The following PLCD3 variants were observed in gnomAD, a reference collection of about 807,000 sequenced individuals.
PLCD3 encodes phospholipase C delta 3, also known as 1-phosphatidylinositol 4,5-bisphosphate phosphodiesterase delta-3.
In PLCD3, 62 loss-of-function variants were observed where a neutral mutation model predicts 82.8. The ratio of observed to expected loss-of-function variants is 0.75; its 90% CI spans 0.61 to 0.93. The LOEUF (loss-of-function observed/expected upper bound fraction) is 0.93, where lower values mean the gene tolerates loss of function less well. Ranked by LOEUF, PLCD3 falls within the 40% of genes least tolerant of loss-of-function variation. The pLI is 0.00. For missense variants in PLCD3, 1,023 were observed against 1,103.4 expected, an observed-to-expected ratio of 0.93 and a Z score of 1.03; for synonymous variants, 478 against 471.8, an observed-to-expected ratio of 1.01 and a Z score of -0.17.
At position 45,111,921 on chromosome 17, in the gene PLCD3, C is replaced by T. The variant is rs1217313392; in HGVS notation, c.*695G>A. 3 of 152,244 alleles carry T rather than the reference C, an allele frequency of 2.0e-5. No individual in the cohort carries two copies. Among genetic ancestry groups the T allele is most frequent in the African/African-American group, 7.3e-5 (3 of 41,352 alleles). The allele number at this position is 152,244 out of a possible 1,614,324, so 9.4% of individuals were successfully genotyped here. The stretch of plus-strand genomic sequence containing the variant: ...GGTTTGGTGGCCTGTGCCTGTAGTC[C>T]CAGCTACTCAGGAGGCTGAGATGGG... On this transcript the variant is annotated 3_prime_UTR_variant, in exon 15 of 15. Transcript: ENST00000619929.
intron 9 of PLCD3, 28 bp downstream of exon 9, chr17:45,115,316 T>TCCC: frequency 1.4e-6 from 2 of 1,474,956 alleles, no homozygotes; most frequent in South Asian, 2.5e-5. Context: ...TTCCCCCCCT[T>TCCC]CCCCACCCCA....
At chr17:45,114,761 A>C (rs1404908045) in intron 10 of PLCD3, among the ~76,000 whole-genome samples, 1 of 151,914 alleles carries the variant, frequency 6.6e-6, no homozygotes, top group Non-Finnish European at 1.5e-5. Flanking sequence ...CCTCCAGGTG[A>C]TGTGTCCTCT....
rs370954786 is a variant in PLCD3, at chr17:45,116,789, G to T, written c.1261-5C>A. ...GATGACAGGGTAAGGGGACAGCTGT[G>T]GGGGGAAGGGCAGCAGCTCAGAGCC... On this transcript the variant is annotated splice_polypyrimidine_tract_variant and splice_region_variant and intron_variant, in intron 7 of 14. Transcript: ENST00000619929. 8 of 1,584,212 alleles carry T rather than the reference G, an allele frequency of 5.0e-6. No individual in the cohort carries two copies. Among genetic ancestry groups the T allele is most frequent in the East Asian group, 2.3e-5 (1 of 43,312 alleles).
At position 45,120,594 on chromosome 17, in the gene PLCD3, G is replaced by A. The variant is rs1056694759; in HGVS notation, c.555-140C>T. 16 of 1,116,044 alleles carry A rather than the reference G, an allele frequency of 1.4e-5. No individual in the cohort carries two copies. The African/African-American group carries it at 2.0e-4, about 14-fold the overall frequency. 69.1% of individuals were successfully genotyped at this position (1,116,044 alleles called of 1,614,324 possible). ...TTTCCCCTTGGCCTGTGCACTCCCCGAGCACGGTAGCAGTGTCTCCTCCGC... is the reference window on the plus strand; with the variant it reads ...TTTCCCCTTGGCCTGTGCACTCCCCAAGCACGGTAGCAGTGTCTCCTCCGC... On this transcript the variant is annotated intron_variant, in intron 3 of 14. Transcript: ENST00000619929.
In PLCD3 at chr17:45,114,324, ACG is replaced by A. The variant is rs1371153756; in HGVS notation, c.1752_1753del (p.Tyr586ProfsTer61). On this transcript the variant is annotated frameshift_variant, in exon 11 of 15. Transcript: ENST00000619929. LOFTEE classifies it high-confidence loss of function. Reference sequence around the variant, plus strand: ...GTTCATCCGCAGCCCCAGCGGGTACACGCGGGTCAGCTGGCGGGCATTGTGCC... The same window carrying A: ...GTTCATCCGCAGCCCCAGCGGGTACACGGGTCAGCTGGCGGGCATTGTGCC... 6.5e-7 allele frequency: 1 copy of A among 1,549,740 alleles called. No homozygotes were observed. The highest frequency in any genetic ancestry group is 2.0e-5 in the Admixed American group (1 of 50,648).
rs1440766703 is a variant in PLCD3, at chr17:45,118,078, C to A, written c.1176G>T (p.Glu392Asp). The change falls in exon 7 of 15, where the codon GAG becomes GAT. Residue 392 changes from glutamate (E) to aspartate (D), a missense_variant. Glu to Asp is a conservative substitution (Grantham distance 45). This residue lies in a region of PLCD3 where 553 missense variants were observed against 655.7 expected (regional missense o/e 0.84). Transcript: ENST00000619929. This position sits in a 1 kb window ranked among gnomAD's most constrained non-coding sequence, Gnocchi z 4.1. ...ELDCWEGPGG[E>D]PVIYHGHTLT... ...GGGTATGGCCATGATAGATGACGGG[C>A]TCCCCTCCTGGCCCCTCCCAGCAGT... 1.2e-6 allele frequency: 2 copies of A among 1,613,732 alleles called. No individual in the cohort carries two copies. Among genetic ancestry groups the A allele is most frequent in the East Asian group, 4.5e-5 (2 of 44,884 alleles).
At chr17:45,116,572 C>T (rs375938882) in intron 8 of PLCD3, 60 bp downstream of exon 8, 37 of 1,489,184 alleles carry the variant, frequency 2.5e-5, no homozygotes, top group African/African-American at 1.0e-4. Flanking sequence ...ACGAGCAGTG[C>T]GGGGAGGCGG....
intron 1 of PLCD3, among the ~76,000 whole-genome samples, chr17:45,122,066 C>T (rs934838363): frequency 3.9e-5 from 6 of 152,212 alleles, no homozygotes; most frequent in African/African-American, 1.2e-4. Flanking sequence ...GATGTGAAAC[C>T]GTAGCCATCA....
Position 45,112,654 on chromosome 17 carries a change from C to T in PLCD3, c.2332G>A (p.Ala778Thr). ...ATGCGGATTTGGATGAAGAGCGTGGCTGGTGACAGTGAGGCCCCGTCCTTG... is the reference window on the plus strand; with the variant it reads ...ATGCGGATTTGGATGAAGAGCGTGGTTGGTGACAGTGAGGCCCCGTCCTTG... ...LSKDGASLSP[A>T]TLFIQIRIQR... is the part of the protein sequence containing the mutation. The change falls in exon 15 of 15, where the codon GCC becomes ACC. Residue 778 changes from alanine to threonine, a missense_variant. By Grantham distance (58) the Ala-to-Thr change is moderately conservative (BLOSUM62 0). Around this residue, in one of 3 missense-constraint regions of PLCD3, gnomAD observed 553 missense variants for 655.7 expected, o/e 0.84. Coordinates refer to ENST00000619929, the MANE Select transcript of PLCD3 (RefSeq NM_133373.5). 1.2e-6 allele frequency: 2 copies of T among 1,607,364 alleles called. No individual in the cohort carries two copies. The highest frequency in any genetic ancestry group is 1.7e-6 in the Non-Finnish European group (2 of 1,177,280).
rs549076671 is a variant in PLCD3 at position 45,114,372 on chromosome 17, G to A, written c.1712-6C>T. On this transcript the variant is annotated splice_polypyrimidine_tract_variant and splice_region_variant and intron_variant, in intron 10 of 14. Transcript: ENST00000619929. ...GTGCCTGACAAAGCTGTTCCCTGGG[G>A]CAGAGTTGGGGTGAGACCGTGACAG... is the stretch of plus-strand genomic sequence containing the variant. 5.2e-6 allele frequency: 8 copies of A among 1,547,502 alleles called. No individual in the cohort carries two copies. The highest frequency in any genetic ancestry group is 1.2e-5 in the South Asian group (1 of 83,632).
chr17:45,120,359 T>C lies in PLCD3; in HGVS notation c.650A>G (p.Asp217Gly). The stretch of plus-strand genomic sequence containing the variant: ...GAGGTAGGCGTACATGTCGTTCATG[T>C]CCACGTTGACCATTCTCAGCAGGCT... ...IKSLLRMVNV[D>G]MNDMYAYLLF... is the part of the protein sequence containing the mutation. The change falls in exon 4 of 15, where the codon GAC becomes GGC. Residue 217 changes from aspartate to glycine, a missense_variant. Physicochemically the swap from Asp to Gly is moderately conservative, Grantham distance 94 (BLOSUM62 -1). Coordinates refer to ENST00000619929, the MANE Select transcript of PLCD3 (RefSeq NM_133373.5). 6.2e-7 allele frequency: 1 copy of C among 1,614,008 alleles called. No homozygotes were observed.
At position 45,122,481 on chromosome 17, in the gene PLCD3, G is replaced by A. The variant is rs1289870500; in HGVS notation, c.164-1109C>T. 3.9e-5 allele frequency among the ~76,000 whole-genome samples: 6 copies of A among 152,264 alleles called. No homozygotes were observed. In the East Asian group the frequency reaches 5.8e-4, roughly 15 times the overall value. On this transcript the variant is annotated intron_variant, in intron 1 of 14. Transcript: ENST00000619929. ...GAAGCCACTTTGGGCTCTGGAGGTC[G>A]GGGTCCAGCGCCTCTGACCTTTGGC...
intron 1 of PLCD3, 86 bp from the exon 2 acceptor site, chr17:45,121,458 C>T: frequency 7.2e-7 from 1 of 1,392,130 alleles, no homozygotes; most frequent in Non-Finnish European, 9.4e-7. Flanking sequence ...GCTGCCCCAT[C>T]CTCCAGCCTC....
Position 45,132,153 on chromosome 17 carries a change from G to C in PLCD3, c.163+95C>G. The C allele has an allele frequency of 8.4e-7, 1 of 1,187,576 alleles. No individual in the cohort carries two copies. The highest frequency in any genetic ancestry group is 1.1e-6 in the Non-Finnish European group (1 of 948,502). 73.6% of individuals were successfully genotyped at this position (1,187,576 alleles called of 1,614,324 possible). On this transcript the variant is annotated intron_variant, in intron 1 of 14. Coordinates refer to ENST00000619929, the MANE Select transcript of PLCD3 (RefSeq NM_133373.5). The surrounding 1 kb of genome is among the most constrained non-coding windows in gnomAD (Gnocchi z 4.6). ...AGCCATAGCCTCCCAGCCCCGTGCA[G>C]CCTGGGGAATCCACGAACTGCTCCC...
intron 9 of PLCD3, 34 bp from the exon 10 acceptor site, chr17:45,115,278 C>T: frequency 6.5e-7 from 1 of 1,531,774 alleles, no homozygotes; most frequent in Non-Finnish European, 8.8e-7. Flanking sequence ...TTCAGCTGGC[C>T]CCCGCTTCCC....
chr17:45,121,174 C>T lies in PLCD3; in HGVS notation c.325+37G>A, dbSNP rs748897321. On this transcript the variant is annotated intron_variant, in intron 2 of 14. Coordinates refer to ENST00000619929, the MANE Select transcript of PLCD3 (RefSeq NM_133373.5). The stretch of plus-strand genomic sequence containing the variant: ...CAGGGCGGAGGACCGGGCCTGTCCC[C>T]ACCTCCCTGTCCGCCCGGCGCTCCC... 9.1e-6 allele frequency: 14 copies of T among 1,540,884 alleles called. No individual in the cohort carries two copies. In the Admixed American group the frequency reaches 2.3e-4, roughly 25 times the overall value.
intron 1 of PLCD3, among the ~76,000 whole-genome samples, chr17:45,126,700 G>C (rs890627504): frequency 8.6e-5 from 13 of 151,944 alleles, no homozygotes; most frequent in Middle Eastern, 6.8e-3. Flanking sequence ...TCTGTAGCCA[G>C]GCTGGGGTGC....
Position 45,132,500 on chromosome 17 carries a change from G to T in PLCD3, c.-90C>A. On this transcript the variant is annotated 5_prime_UTR_variant, in exon 1 of 15. Transcript: ENST00000619929. The surrounding 1 kb of genome is among the most constrained non-coding windows in gnomAD (Gnocchi z 4.6). ...CTCTGGCCCGGCCCCGGCTCTGAGC[G>T]AGGCGGCGAGCGAAGAAACTTAGCG... 18 of 844,442 alleles carry T rather than the reference G, an allele frequency of 2.1e-5. No individual in the cohort carries two copies. The highest frequency in any genetic ancestry group is 2.6e-5 in the Non-Finnish European group (17 of 661,314). 52.3% of individuals were successfully genotyped at this position (844,442 alleles called of 1,614,324 possible).
At position 45,113,526 on chromosome 17, in the gene PLCD3, G is replaced by A. The variant is rs746331187; in HGVS notation, c.1908C>T (p.Tyr636=). Residue 636 remains tyrosine, a synonymous_variant, in exon 12 of 15, where the codon TAC becomes TAT. Coordinates refer to ENST00000619929, the MANE Select transcript of PLCD3 (RefSeq NM_133373.5). ...GCCGCAGGCAGGCAGGTTTTAGGACGTAGCCACACTGCCCATTGACTAGGA... is the reference window on the plus strand; with the variant it reads ...GCCGCAGGCAGGCAGGTTTTAGGACATAGCCACACTGCCCATTGACTAGGA... ...GRFLVNGQCG[Y]VLKPACLRQP... 22 of 1,574,772 alleles carry A rather than the reference G, an allele frequency of 1.4e-5. No homozygotes were observed. The highest frequency in any genetic ancestry group is 1.7e-4 in the Middle Eastern group (1 of 6,042).
Sources: gnomAD v4.1 joint callset for allele counts (sites outside exome capture counted in the v4.1 genomes callset) on GRCh38, gnomAD v4.1.1 for gene constraint, gnomAD v4.1.1 regional missense constraint, Gnocchi (gnomAD v3.1) non-coding constraint, MANE v1.5 for transcripts, NCBI Gene and HGNC (gene_info 2026-07-23, HGNC 2026-07-21) for gene names.